Variants in GPR157 observed in about 807,000 individuals in gnomAD.
The protein encoded by GPR157 is G-protein coupled receptor 157.
In GPR157, 16 loss-of-function variants were observed where a neutral mutation model predicts 23.5. That is an observed-to-expected ratio of 0.68 (90% confidence interval 0.46 to 1.04). GPR157 has a LOEUF of 1.04. Ranked by LOEUF, GPR157 falls within the 50% of genes least tolerant of loss-of-function variation. GPR157 has a pLI of 0.00. For synonymous variants in GPR157, 200 were observed against 221.5 expected, an observed-to-expected ratio of 0.90 and a Z score of 0.86; for missense variants, 440 against 460.7, an observed-to-expected ratio of 0.96 and a Z score of 0.41.
chr1:9,126,170 C>G (rs868445830), intron 1 of GPR157, among the ~76,000 whole-genome samples: 1 of 152,150 alleles, frequency 6.6e-6, no homozygotes, highest in African/African-American at 2.4e-5. Flanking sequence ...GTTGGCCAGG[C>G]TGGTCTCAAA....
chr1:9,126,298 T>G (rs1638962000), intron 1 of GPR157, among the ~76,000 whole-genome samples: 1 of 152,204 alleles, frequency 6.6e-6, no homozygotes. Flanking sequence ...AATGAGGAAA[T>G]GGTACCTTAC....
intron 1 of GPR157, among the ~76,000 whole-genome samples, chr1:9,125,950 T>A (rs1457073748): frequency 6.8e-6 from 1 of 147,468 alleles, no homozygotes; most frequent in East Asian, 2.0e-4. Flanking sequence ...CTCGCATTTA[T>A]CATGTTTGTA....
intron 1 of GPR157, among the ~76,000 whole-genome samples, chr1:9,123,858 T>G (rs1638910204): frequency 7.7e-6 from 1 of 130,362 alleles, no homozygotes; most frequent in South Asian, 2.3e-4. Flanking sequence ...AGATAGGGTC[T>G]TGCTCTGTCA....
chr1:9,102,666 T>C lies in GPR157; in HGVS notation c.*1753A>G, dbSNP rs1429853967. 1 of 152,180 alleles carries C rather than the reference T, an allele frequency of 6.6e-6. No individual in the cohort carries two copies. Among genetic ancestry groups the C allele is most frequent in the Non-Finnish European group, 1.5e-5 (1 of 68,026 alleles). The allele number at this position is 152,180 out of a possible 1,614,324, so 9.4% of individuals were successfully genotyped here. A position where few individuals can be genotyped will look rare whatever the true frequency, so the allele number is the denominator to read the frequency against. On this transcript the variant is annotated 3_prime_UTR_variant, in exon 4 of 4. Transcript: ENST00000377411. ...GGAAATCACCTATCAGGTAAAGCTG[T>C]ACTTTCTCTCACCAAGACCCTGGAG... is the stretch of plus-strand genomic sequence containing the variant.
chr1:9,104,128 C>A lies in GPR157; in HGVS notation c.*291G>T. 2.4e-6 allele frequency: 1 copy of A among 411,142 alleles called. No homozygotes were observed. The highest frequency in any genetic ancestry group is 4.5e-6 in the Non-Finnish European group (1 of 220,784). The allele number at this position is 411,142 out of a possible 1,614,324, so 25.5% of individuals were successfully genotyped here. ...GACATCAAGGTCCACTGGGTGGGGGCACTGTGGCCACAGCTGTGGGCCACC... is the reference window on the plus strand; with the variant it reads ...GACATCAAGGTCCACTGGGTGGGGGAACTGTGGCCACAGCTGTGGGCCACC... On this transcript the variant is annotated 3_prime_UTR_variant, in exon 4 of 4. Coordinates refer to ENST00000377411, the MANE Select transcript of GPR157 (RefSeq NM_024980.5).
chr1:9,107,418 C>T (rs947896618), intron 2 of GPR157, among the ~76,000 whole-genome samples: 3 of 151,982 alleles, frequency 2.0e-5, no homozygotes, highest in Admixed American at 1.3e-4. Flanking sequence ...GCAGGAGGAT[C>T]GCTTGAGCCC....
intron 2 of GPR157, among the ~76,000 whole-genome samples, chr1:9,110,995 C>T (rs748633949): frequency 6.6e-6 from 1 of 152,312 alleles, no homozygotes; most frequent in Non-Finnish European, 1.5e-5. Flanking sequence ...CAGCCCTGTG[C>T]CCCCACAGGC....
At chr1:9,109,621 T>C (rs2124510885) in intron 2 of GPR157, among the ~76,000 whole-genome samples, 1 of 152,174 alleles carries the variant, frequency 6.6e-6, no homozygotes, top group Non-Finnish European at 1.5e-5. Context: ...CTGGAACTCC[T>C]GACCTCAAGT....
Position 9,128,878 on chromosome 1 carries a change from C to T in GPR157, c.150G>A (p.Leu50=). 6.4e-7 allele frequency: 1 copy of T among 1,566,738 alleles called. No individual in the cohort carries two copies. The highest frequency in any genetic ancestry group is 1.2e-5 in the South Asian group (1 of 86,112). Reference sequence around the variant, plus strand: ...GCAGGTCGGCCAGCGACAGGAAGAGCAGCAGGCGCCGTGCCCGGCTGCGCA... The same window carrying T: ...GCAGGTCGGCCAGCGACAGGAAGAGTAGCAGGCGCCGTGCCCGGCTGCGCA... ...PDLRSRARRL[L]LFLSLADLLS... is the part of the protein sequence containing the mutation. Residue 50 remains leucine, a synonymous_variant, in exon 1 of 4, where the codon CTG becomes CTA. Transcript: ENST00000377411. The surrounding 1 kb of genome is among the most constrained non-coding windows in gnomAD (Gnocchi z 6.3).
chr1:9,111,034 T>G (rs921041419), intron 2 of GPR157: 1 of 567,344 alleles, frequency 1.8e-6, no homozygotes, highest in Non-Finnish European at 3.2e-6. Context: ...CGTTTCCTTA[T>G]CTACAAAGGA....
chr1:9,119,726 C>T (rs1184606453), intron 1 of GPR157, among the ~76,000 whole-genome samples: 1 of 152,204 alleles, frequency 6.6e-6, no homozygotes, highest in Non-Finnish European at 1.5e-5. Context: ...GGCCGGGACC[C>T]TCCACCAGCT....
At chr1:9,119,906 C>T (rs761005961) in intron 1 of GPR157, among the ~76,000 whole-genome samples, 3 of 152,176 alleles carry the variant, frequency 2.0e-5, no homozygotes, top group Non-Finnish European at 4.4e-5. Flanking sequence ...TGCGTGGTGT[C>T]GTGGTGTCGG....
chr1:9,126,196 G>T (rs564820254), intron 1 of GPR157, among the ~76,000 whole-genome samples: 1 of 152,258 alleles, frequency 6.6e-6, no homozygotes, highest in East Asian at 1.9e-4. Flanking sequence ...GACCTCAAGT[G>T]ATCCGCCCAC....
intron 1 of GPR157, among the ~76,000 whole-genome samples, chr1:9,123,642 A>G (rs1336205910): frequency 2.6e-5 from 3 of 115,158 alleles, no homozygotes; most frequent in African/African-American, 7.0e-5. Context: ...AATATACATT[A>G]ATATTAAATA....
Position 9,105,740 on chromosome 1 carries a change from C to A in GPR157, c.598-60G>T. 2 of 1,434,414 alleles carry A rather than the reference C, an allele frequency of 1.4e-6. No homozygotes were observed. Among genetic ancestry groups the A allele is most frequent in the Non-Finnish European group, 1.9e-6 (2 of 1,051,722 alleles). The allele number at this position is 1,434,414 out of a possible 1,614,324, so 88.9% of individuals were successfully genotyped here. A position where few individuals can be genotyped will look rare whatever the true frequency, so the allele number is the denominator to read the frequency against. ...TAGGCACCCTCCCGCCACGTCCACC[C>A]AGGCTGCCCAGGTCTTCCCAGGGAC... On this transcript the variant is annotated intron_variant, in intron 2 of 3. Coordinates refer to ENST00000377411, the MANE Select transcript of GPR157 (RefSeq NM_024980.5). The surrounding 1 kb of genome is among the most constrained non-coding windows in gnomAD (Gnocchi z 4.8).
intron 1 of GPR157, among the ~76,000 whole-genome samples, chr1:9,125,997 C>A (rs572758549): frequency 6.8e-6 from 1 of 146,294 alleles, no homozygotes; most frequent in Non-Finnish European, 1.5e-5. Flanking sequence ...TGGAGACTTG[C>A]TCTATCACCC....
In GPR157 at chr1:9,103,917, G is replaced by A. The variant is rs1642600622; in HGVS notation, c.*502C>T. 1 of 153,452 alleles carries A rather than the reference G, an allele frequency of 6.5e-6. No homozygotes were observed. Among genetic ancestry groups the A allele is most frequent in the Non-Finnish European group, 1.5e-5 (1 of 68,816 alleles). The allele number at this position is 153,452 out of a possible 1,614,324, so 9.5% of individuals were successfully genotyped here. On this transcript the variant is annotated 3_prime_UTR_variant, in exon 4 of 4. Transcript: ENST00000377411. ...GAATGGCAACTGGTTCCTCTGTTGA[G>A]CAAAGTCTCCAAGGAAAGCCGGGTT...
At position 9,105,203 on chromosome 1, in the gene GPR157, G is replaced by C. The variant is rs1003275555; in HGVS notation, c.792+283C>G. On this transcript the variant is annotated intron_variant, in intron 3 of 3. Transcript: ENST00000377411. The surrounding 1 kb of genome is among the most constrained non-coding windows in gnomAD (Gnocchi z 4.8). ...CAATGGGCCTTCAGCAGGGCTCCAGGTCTTCTTGGCTGGGAAGGACCCAAG... is the reference window on the plus strand; with the variant it reads ...CAATGGGCCTTCAGCAGGGCTCCAGCTCTTCTTGGCTGGGAAGGACCCAAG... Among the ~76,000 whole-genome samples the C allele has an allele frequency of 6.6e-6, 1 of 152,074 alleles. No individual in the cohort carries two copies. Among genetic ancestry groups the C allele is most frequent in the Non-Finnish European group, 1.5e-5 (1 of 68,010 alleles).
At chr1:9,122,035 G>C (rs1638808641) in intron 1 of GPR157, among the ~76,000 whole-genome samples, 1 of 152,162 alleles carries the variant, frequency 6.6e-6, no homozygotes, top group South Asian at 2.1e-4. Flanking sequence ...CCTGGTGGAG[G>C]GGGTGGTCAC....
Sources: gnomAD v4.1 joint callset for allele counts (sites outside exome capture counted in the v4.1 genomes callset) on GRCh38, gnomAD v4.1.1 for gene constraint, Gnocchi (gnomAD v3.1) non-coding constraint, MANE v1.5 for transcripts, NCBI Gene and HGNC (gene_info 2026-07-23, HGNC 2026-07-21) for gene names.